Variants in COL9A2 observed in about 807,000 individuals in gnomAD.
COL9A2 encodes collagen type IX alpha 2 chain.
A neutral mutation model predicts 111.6 loss-of-function variants in COL9A2; 66 were observed. The observed-to-expected ratio is 0.59, with a 90% confidence interval of 0.48 to 0.73. The LOEUF (loss-of-function observed/expected upper bound fraction) is 0.73. Among genes scored for constraint, COL9A2 ranks in the 30% least tolerant of loss-of-function variants. COL9A2 has a pLI of 0.00. For synonymous variants in COL9A2, 353 were observed against 364.1 expected (o/e 0.97, Z 0.35); for missense variants, 881 against 954.1 (o/e 0.92, Z 1.01).
rs991727893 is a variant in COL9A2 at position 40,303,056 on chromosome 1, G to A, written c.1603+75C>T. The A allele has an allele frequency of 3.6e-5, 53 of 1,469,612 alleles. 1 individual carries two copies. The highest frequency in any genetic ancestry group is 3.0e-4 in the South Asian group (25 of 83,544). The allele number at this position is 1,469,612 out of a possible 1,614,324, so 91.0% of individuals were successfully genotyped here. Reference sequence around the variant, plus strand: ...TCCAGATTTTCAGACAAGTGAACACGTGGAGGCTCCGGGAGGGGGTGAGGG... The same window carrying A: ...TCCAGATTTTCAGACAAGTGAACACATGGAGGCTCCGGGAGGGGGTGAGGG... On this transcript the variant is annotated intron_variant, in intron 29 of 31. Transcript: ENST00000372748. This position sits in a 1 kb window ranked among gnomAD's most constrained non-coding sequence, Gnocchi z 4.6.
Position 40,305,729 on chromosome 1 carries a change from G to A in COL9A2, c.1093C>T (p.Pro365Ser), listed in dbSNP as rs774190227. ...GGGGCATTTACCTCTTTCCCAGGGG[G>A]ACCAGAGAATCCAGGAAGGCCCTGC... is the stretch of plus-strand genomic sequence containing the variant. The part of the protein sequence containing the change: ...GPQGLPGFSG[P>S]PGKEGEPGPR... The change falls in exon 21 of 32, where the codon CCC becomes TCC. Residue 365 changes from proline to serine, a missense_variant. By Grantham distance (74) the Pro-to-Ser change is moderately conservative. Transcript: ENST00000372748. 15 of 1,613,944 alleles carry A rather than the reference G, an allele frequency of 9.3e-6. No individual in the cohort carries two copies. The highest frequency in any genetic ancestry group is 1.6e-4 in the Middle Eastern group (1 of 6,084).
rs1644048931 is a variant in COL9A2, at chr1:40,307,498, C to T, written c.956G>A (p.Gly319Asp). Residue 319 changes from glycine to aspartate, a missense_variant and splice_region_variant, in exon 19 of 32, where the codon GGC (glycine) becomes GAC (aspartate). Physicochemically the swap from Gly to Asp is moderately conservative, Grantham distance 94 (BLOSUM62 -1). Coordinates refer to ENST00000372748, the MANE Select transcript of COL9A2 (RefSeq NM_001852.4). The surrounding 1 kb of genome is among the most constrained non-coding windows in gnomAD (Gnocchi z 4.8). ...DGTPGTPGMK[G>D]SAGQAGQPGS... ...GGGCTGTCCCGCCTGTCCTGCACTG[C>T]CCTGGGATAGACAGATAACCAAAGA... is the stretch of plus-strand genomic sequence containing the variant. 2 of 1,614,050 alleles carry T rather than the reference C, an allele frequency of 1.2e-6. No individual in the cohort carries two copies. Among genetic ancestry groups the T allele is most frequent in the Non-Finnish European group, 8.5e-7 (1 of 1,179,998 alleles).
At position 40,314,296 on chromosome 1, in the gene COL9A2, G is replaced by A. The variant is rs372693449; in HGVS notation, c.187-29C>T. 6.2e-7 allele frequency: 1 copy of A among 1,614,222 alleles called. No homozygotes were observed. The highest frequency in any genetic ancestry group is 2.2e-5 in the East Asian group (1 of 44,890). On this transcript the variant is annotated intron_variant, in intron 3 of 31. Transcript: ENST00000372748. The surrounding 1 kb of genome is among the most constrained non-coding windows in gnomAD (Gnocchi z 4.1). The stretch of plus-strand genomic sequence containing the variant: ...GAAAACAGAGATGGAACAAACATGA[G>A]CCAGAGGAGGGCAAGAGCAGGAAGG...
At position 40,310,668 on chromosome 1, in the gene COL9A2, C is replaced by G. The variant is rs749516120; in HGVS notation, c.684+46G>C. On this transcript the variant is annotated intron_variant, in intron 13 of 31. Transcript: ENST00000372748. The surrounding 1 kb of genome is among the most constrained non-coding windows in gnomAD (Gnocchi z 4.9). ...CAGGGGAATGACTCCATGAAGGGCT[C>G]CTGGGGTGAGGGAGAAGAGGGCCAC... 8 of 1,517,570 alleles carry G rather than the reference C, an allele frequency of 5.3e-6. No individual in the cohort carries two copies. Among genetic ancestry groups the G allele is most frequent in the Non-Finnish European group, 7.2e-6 (8 of 1,112,664 alleles). 94.0% of individuals were successfully genotyped at this position (1,517,570 alleles called of 1,614,324 possible).
At position 40,312,723 on chromosome 1, in the gene COL9A2, C is replaced by G. The variant is rs1644152060; in HGVS notation, c.303+8G>C. 1 of 1,557,792 alleles carries G rather than the reference C, an allele frequency of 6.4e-7. No individual in the cohort carries two copies. Among genetic ancestry groups the G allele is most frequent in the African/African-American group, 1.4e-5 (1 of 73,390 alleles). On this transcript the variant is annotated splice_region_variant and intron_variant, in intron 5 of 31. Transcript: ENST00000372748. This position sits in a 1 kb window ranked among gnomAD's most constrained non-coding sequence, Gnocchi z 6.0. ...TTGCCCACGCTGAGGCCCCAGCAGG[C>G]CCCTTACCTTGACTCCAGGGATCCC...
chr1:40,305,291 G>A lies in COL9A2; in HGVS notation c.1107+424C>T, dbSNP rs537533336. Among the ~76,000 whole-genome samples, 324 of 152,042 alleles carry A rather than the reference G, an allele frequency of 2.1e-3. 2 individuals are homozygous for A. Among genetic ancestry groups the A allele is most frequent in the East Asian group, 0.011 (57 of 5,158 alleles). ...ACCGCGGTCTGGATCTCCTGACCTC[G>A]TGATCCACCCGCCTCAGCCTCCCAA... On this transcript the variant is annotated intron_variant, in intron 21 of 31. Transcript: ENST00000372748.
At position 40,311,635 on chromosome 1, in the gene COL9A2, C is replaced by G; in HGVS notation, c.471+27G>C. ...ACCCTTCTCCTTCCCCTGCACTTTG[C>G]CATGTCGGGGGTCTGGGGACACTTA... is the stretch of plus-strand genomic sequence containing the variant. On this transcript the variant is annotated intron_variant, in intron 9 of 31. Coordinates refer to ENST00000372748, the MANE Select transcript of COL9A2 (RefSeq NM_001852.4). The surrounding 1 kb of genome is among the most constrained non-coding windows in gnomAD (Gnocchi z 5.1). 2 of 1,613,840 alleles carry G rather than the reference C, an allele frequency of 1.2e-6. No homozygotes were observed. Among genetic ancestry groups the G allele is most frequent in the Non-Finnish European group, 1.7e-6 (2 of 1,179,710 alleles).
chr1:40,312,664 C>T lies in COL9A2; in HGVS notation c.304-55G>A. 1.2e-6 allele frequency: 2 copies of T among 1,600,590 alleles called. No homozygotes were observed. The highest frequency in any genetic ancestry group is 2.3e-5 in the East Asian group (1 of 44,418). On this transcript the variant is annotated intron_variant, in intron 5 of 31. Coordinates refer to ENST00000372748, the MANE Select transcript of COL9A2 (RefSeq NM_001852.4). The surrounding 1 kb of genome is among the most constrained non-coding windows in gnomAD (Gnocchi z 6.0). The stretch of plus-strand genomic sequence containing the variant: ...CTGGGGTTTCCCCGGCTCCTACTTC[C>T]TCTCTACAGCCACTCCCAAACGCTG...
chr1:40,303,232 C>A lies in COL9A2; in HGVS notation c.1549-47G>T, dbSNP rs778665729. 26 of 1,568,760 alleles carry A rather than the reference C, an allele frequency of 1.7e-5. No individual in the cohort carries two copies. Among genetic ancestry groups the A allele is most frequent in the Non-Finnish European group, 2.3e-5 (26 of 1,148,490 alleles). Reference sequence around the variant, plus strand: ...GAAGAAGCCCCTGGCTACAAGGGCCCACCGCTCCTATCCCACCTGGCTGAG... The same window carrying A: ...GAAGAAGCCCCTGGCTACAAGGGCCAACCGCTCCTATCCCACCTGGCTGAG... On this transcript the variant is annotated intron_variant, in intron 28 of 31. Coordinates refer to ENST00000372748, the MANE Select transcript of COL9A2 (RefSeq NM_001852.4). This position sits in a 1 kb window ranked among gnomAD's most constrained non-coding sequence, Gnocchi z 4.6.
Position 40,301,367 on chromosome 1 carries a change from G to C in COL9A2, c.1885C>G (p.Pro629Ala). 4 of 1,608,588 alleles carry C rather than the reference G, an allele frequency of 2.5e-6. No homozygotes were observed. Among genetic ancestry groups the C allele is most frequent in the Non-Finnish European group, 2.5e-6 (3 of 1,176,484 alleles). ...PPGIPGLPGR[P>A]GQAINGKDGD... Reference sequence around the variant, plus strand: ...TCCTTGCCGTTGATTGCCTGGCCAGGCCGGCCAGGGAGTCCTGTGAACAGG... The same window carrying C: ...TCCTTGCCGTTGATTGCCTGGCCAGCCCGGCCAGGGAGTCCTGTGAACAGG... The change falls in exon 32 of 32, where the codon CCT becomes GCT. Residue 629 changes from proline (P) to alanine (A), a missense_variant. Physicochemically the swap from Pro to Ala is conservative, Grantham distance 27 (BLOSUM62 -1). Transcript: ENST00000372748.
chr1:40,313,934 A>G (rs994163869), intron 4 of COL9A2, among the ~76,000 whole-genome samples: 2 of 152,192 alleles, frequency 1.3e-5, no homozygotes, highest in Non-Finnish European at 2.9e-5. Context: ...TGTGAGACTA[A>G]GTCCTGACTG....
intron 21 of COL9A2, 117 bp downstream of exon 21, chr1:40,305,598 C>T (rs1029606242): frequency 1.0e-6 from 1 of 966,512 alleles, no homozygotes; most frequent in Non-Finnish European, 1.7e-6. Flanking sequence ...AAGAGCTTCC[C>T]TGAATCATTG....
In COL9A2 at chr1:40,303,008, G is replaced by C; in HGVS notation, c.1603+123C>G. The stretch of plus-strand genomic sequence containing the variant: ...AAGGTCCCAAAACCCTTCAGAGACT[G>C]GACTGGAAGGAGCCCCCAGGACTCC... On this transcript the variant is annotated intron_variant, in intron 29 of 31. Transcript: ENST00000372748. This position sits in a 1 kb window ranked among gnomAD's most constrained non-coding sequence, Gnocchi z 4.6. The C allele has an allele frequency of 2.6e-6, 3 of 1,156,258 alleles. No individual in the cohort carries two copies. Among genetic ancestry groups the C allele is most frequent in the Non-Finnish European group, 3.8e-6 (3 of 792,996 alleles). 71.6% of individuals were successfully genotyped at this position (1,156,258 alleles called of 1,614,324 possible).
At position 40,309,999 on chromosome 1, in the gene COL9A2, G is replaced by A. The variant is rs1644094317; in HGVS notation, c.793-8C>T. 1.2e-6 allele frequency: 2 copies of A among 1,614,042 alleles called. No individual in the cohort carries two copies. Among genetic ancestry groups the A allele is most frequent in the Admixed American group, 1.7e-5 (1 of 60,002 alleles). ...CCTAGGACCTTCCTCACCCTGGCAA[G>A]AAAGACAAGCAGGAATCCAGGTCAC... On this transcript the variant is annotated splice_region_variant and splice_polypyrimidine_tract_variant and intron_variant, in intron 15 of 31. Transcript: ENST00000372748.
chr1:40,309,410 T>G (rs4660399), intron 16 of COL9A2, among the ~76,000 whole-genome samples: 41,002 of 147,850 alleles, frequency 0.28, 6,587 homozygotes, highest in East Asian at 0.68. Flanking sequence ...TAAAACCGCT[T>G]CCCCCAACAG....
At position 40,303,875 on chromosome 1, in the gene COL9A2, G is replaced by A; in HGVS notation, c.1369-36C>T. Reference sequence around the variant, plus strand: ...AAGGAGCAGCGGTCACGAAGCCGCGGGGACCCCGGGGCCAGCCGCCGCTCC... The same window carrying A: ...AAGGAGCAGCGGTCACGAAGCCGCGAGGACCCCGGGGCCAGCCGCCGCTCC... On this transcript the variant is annotated intron_variant, in intron 26 of 31. Coordinates refer to ENST00000372748, the MANE Select transcript of COL9A2 (RefSeq NM_001852.4). This position sits in a 1 kb window ranked among gnomAD's most constrained non-coding sequence, Gnocchi z 4.6. 1 of 1,548,474 alleles carries A rather than the reference G, an allele frequency of 6.5e-7. No homozygotes were observed. The highest frequency in any genetic ancestry group is 8.7e-7 in the Non-Finnish European group (1 of 1,146,504).
chr1:40,303,900 C>T lies in COL9A2; in HGVS notation c.1368+28G>A, dbSNP rs1419792021. ...GGGACCCCGGGGCCAGCCGCCGCTCCCCGCCCTTCCCTAGGCCGCGCGCTC... is the reference window on the plus strand; with the variant it reads ...GGGACCCCGGGGCCAGCCGCCGCTCTCCGCCCTTCCCTAGGCCGCGCGCTC... On this transcript the variant is annotated intron_variant, in intron 26 of 31. Transcript: ENST00000372748. The surrounding 1 kb of genome is among the most constrained non-coding windows in gnomAD (Gnocchi z 4.6). 4 of 1,550,522 alleles carry T rather than the reference C, an allele frequency of 2.6e-6. No homozygotes were observed. The highest frequency in any genetic ancestry group is 3.5e-6 in the Non-Finnish European group (4 of 1,146,968).
Position 40,314,203 on chromosome 1 carries a change from A to G in COL9A2, c.249+2T>C, listed in dbSNP as rs1456051342. On this transcript the variant is annotated splice_donor_variant, in intron 4 of 31. Transcript: ENST00000372748. LOFTEE classifies it high-confidence loss of function. The surrounding 1 kb of genome is among the most constrained non-coding windows in gnomAD (Gnocchi z 4.1). The stretch of plus-strand genomic sequence containing the variant: ...TGCCCCACCCGACACTCAGCTACTC[A>G]CATCAATCCCGGGCTTCCCGTCTGG... 1.2e-6 allele frequency: 2 copies of G among 1,614,158 alleles called. No homozygotes were observed. Among genetic ancestry groups the G allele is most frequent in the Admixed American group, 3.3e-5 (2 of 60,018 alleles).
chr1:40,302,674 C>T lies in COL9A2; in HGVS notation c.1739G>A (p.Gly580Asp), dbSNP rs775820335. 6.3e-7 allele frequency: 1 copy of T among 1,599,190 alleles called. No homozygotes were observed. The highest frequency in any genetic ancestry group is 8.5e-7 in the Non-Finnish European group (1 of 1,174,380). ...CACGGCTCCCACGATGCCAGGAACG[C>T]CCCGAGGGCCAGGGTGCCCATGGGG... The part of the protein sequence containing the change: ...QGPHGHPGPR[G>D]VPGIVGAVGQ... The change falls in exon 30 of 32, where the codon GGC (glycine) becomes GAC (aspartate). Residue 580 changes from glycine to aspartate, a missense_variant. Gly to Asp is a moderately conservative substitution (Grantham distance 94). Coordinates refer to ENST00000372748, the MANE Select transcript of COL9A2 (RefSeq NM_001852.4). The surrounding 1 kb of genome is among the most constrained non-coding windows in gnomAD (Gnocchi z 4.5).
Sources: gnomAD v4.1 joint callset for allele counts (sites outside exome capture counted in the v4.1 genomes callset) on GRCh38, gnomAD v4.1.1 for gene constraint, Gnocchi (gnomAD v3.1) non-coding constraint, MANE v1.5 for transcripts, NCBI Gene and HGNC (gene_info 2026-07-23, HGNC 2026-07-21) for gene names.